AKIRIN2: variants seen among roughly 807,000 people sequenced by gnomAD.
AKIRIN2 encodes akirin 2, also known as akirin-2.
AKIRIN2 carries 6 observed loss-of-function variants against 29.3 expected under a neutral mutation model. The observed-to-expected ratio is 0.20, with a 90% CI of 0.11 to 0.40. The LOEUF is 0.40. Ranked by LOEUF, AKIRIN2 falls within the 10% of genes least tolerant of loss-of-function variation. AKIRIN2 has a pLI of 1.00. For synonymous variants in AKIRIN2, 128 were observed against 117.5 expected, an observed-to-expected ratio of 1.09 and a Z score of -0.58; for missense variants, 210 against 276.1, an observed-to-expected ratio of 0.76 and a Z score of 1.70.
intron 2 of AKIRIN2, among the ~76,000 whole-genome samples, chr6:87,678,643 A>G (rs560634563): frequency 6.6e-6 from 1 of 152,326 alleles, no homozygotes; most frequent in East Asian, 1.9e-4. Context: ...TGACTAAATT[A>G]CTTTCCTACA....
At chr6:87,699,276 T>C (rs1051792149) in intron 1 of AKIRIN2, among the ~76,000 whole-genome samples, 1 of 152,090 alleles carries the variant, frequency 6.6e-6, no homozygotes, top group African/African-American at 2.4e-5. Flanking sequence ...ATTATGACAT[T>C]ACAAAAAACA....
chr6:87,677,989 A>C (rs766603447), intron 2 of AKIRIN2, 22 bp from the exon 3 acceptor site: 6 of 1,600,540 alleles, frequency 3.7e-6, no homozygotes, highest in Non-Finnish European at 5.1e-6. Context: ...GAGGACAAAA[A>C]ATAGCACCTG....
chr6:87,675,444 A>T lies in AKIRIN2; in HGVS notation c.*153T>A. The T allele has an allele frequency of 9.6e-7, 1 of 1,041,730 alleles. No individual in the cohort carries two copies. Among genetic ancestry groups the T allele is most frequent in the Non-Finnish European group, 1.4e-6 (1 of 695,238 alleles). 64.5% of individuals were successfully genotyped at this position (1,041,730 alleles called of 1,614,324 possible). On this transcript the variant is annotated 3_prime_UTR_variant, in exon 5 of 5. Transcript: ENST00000257787. ...TGACATCAGGGAAATTTCCAAAACCAGTTGCTGCTGCCTAAGAGTGGTTGC... is the reference window on the plus strand; with the variant it reads ...TGACATCAGGGAAATTTCCAAAACCTGTTGCTGCTGCCTAAGAGTGGTTGC...
At chr6:87,681,561 G>A in intron 2 of AKIRIN2, 59 bp downstream of exon 2, 1 of 1,519,652 alleles carries the variant, frequency 6.6e-7, no homozygotes. Context: ...AAGACAACTT[G>A]GATTAGACTT....
intron 1 of AKIRIN2, among the ~76,000 whole-genome samples, chr6:87,691,933 A>T (rs1771283595): frequency 6.6e-6 from 1 of 152,216 alleles, no homozygotes; most frequent in South Asian, 2.1e-4. Flanking sequence ...GAGGAAAATG[A>T]GTATGTTTTG....
intron 1 of AKIRIN2, among the ~76,000 whole-genome samples, chr6:87,683,736 C>T (rs1376861891): frequency 6.6e-6 from 1 of 152,140 alleles, no homozygotes. Context: ...TCACTGCAAC[C>T]TCCATCTCCC....
At chr6:87,676,920 C>T (rs920722053) in intron 3 of AKIRIN2, among the ~76,000 whole-genome samples, 2 of 149,482 alleles carry the variant, frequency 1.3e-5, no homozygotes, top group Non-Finnish European at 3.0e-5. Flanking sequence ...ACTAAAAATA[C>T]AAGAAAATTA....
chr6:87,677,863 T>C lies in AKIRIN2; in HGVS notation c.484A>G (p.Lys162Glu), dbSNP rs1311243608. Residue 162 changes from lysine to glutamate, a missense_variant, in exon 3 of 5, where the codon AAA (lysine) becomes GAA (glutamate). Coordinates refer to ENST00000257787, the MANE Select transcript of AKIRIN2 (RefSeq NM_018064.4). The part of the protein sequence containing the change: ...CERLLKEREE[K>E]VREEYEEILN... Reference sequence around the variant, plus strand: ...ATTTCTTCATATTCTTCTCGAACTTTCTCTTCACGTTCTTTCAACAAACGT... The same window carrying C: ...ATTTCTTCATATTCTTCTCGAACTTCCTCTTCACGTTCTTTCAACAAACGT... The C allele has an allele frequency of 6.2e-7, 1 of 1,614,156 alleles. No homozygotes were observed. Among genetic ancestry groups the C allele is most frequent in the East Asian group, 2.2e-5 (1 of 44,874 alleles).
intron 1 of AKIRIN2, among the ~76,000 whole-genome samples, chr6:87,697,789 T>C (rs1771395537): frequency 6.6e-6 from 1 of 151,832 alleles, no homozygotes; most frequent in South Asian, 2.1e-4. Flanking sequence ...CAATGAGTTC[T>C]TACAAAGGAA....
At chr6:87,696,518 G>A (rs140312428) in intron 1 of AKIRIN2, among the ~76,000 whole-genome samples, 4,736 of 151,756 alleles carry the variant, frequency 0.031, 246 homozygotes, top group African/African-American at 0.11. Flanking sequence ...TGGCTAATAC[G>A]GTGAAACCCC....
At chr6:87,677,240 C>T (rs1582115381) in intron 3 of AKIRIN2, among the ~76,000 whole-genome samples, 1 of 152,086 alleles carries the variant, frequency 6.6e-6, no homozygotes, top group Non-Finnish European at 1.5e-5. Context: ...TCAAGTATCA[C>T]AGAAAAAGTT....
intron 1 of AKIRIN2, among the ~76,000 whole-genome samples, chr6:87,695,768 C>G (rs1771350210): frequency 6.6e-6 from 1 of 152,192 alleles, no homozygotes; most frequent in South Asian, 2.1e-4. Context: ...AGAGAAAAAT[C>G]TCTTTTCAAA....
intron 1 of AKIRIN2, among the ~76,000 whole-genome samples, chr6:87,698,762 T>G (rs1368291565): frequency 6.6e-6 from 1 of 152,160 alleles, no homozygotes; most frequent in Non-Finnish European, 1.5e-5. Flanking sequence ...TTCCTAGTAT[T>G]AAGTTGCAAC....
chr6:87,683,410 T>C (rs541532148), intron 1 of AKIRIN2, among the ~76,000 whole-genome samples: 3 of 152,360 alleles, frequency 2.0e-5, no homozygotes, highest in South Asian at 2.1e-4. Context: ...TTGAACTACT[T>C]TGTAATTTGA....
intron 1 of AKIRIN2, among the ~76,000 whole-genome samples, chr6:87,687,840 A>C (rs1305935555): frequency 6.6e-6 from 1 of 152,202 alleles, no homozygotes. Flanking sequence ...CAAGCTATCA[A>C]AATAGAGTAA....
rs987982844 is a variant in AKIRIN2 at position 87,675,262 on chromosome 6, T to G, written c.*335A>C. On this transcript the variant is annotated 3_prime_UTR_variant, in exon 5 of 5. Coordinates refer to ENST00000257787, the MANE Select transcript of AKIRIN2 (RefSeq NM_018064.4). ...ACACTAACTTCATCTGAAGTGTCAT[T>G]CTACAGTTTTATTTACACAACCAGT... is the stretch of plus-strand genomic sequence containing the variant. The G allele has an allele frequency of 6.1e-6, 2 of 326,702 alleles. No homozygotes were observed. The highest frequency in any genetic ancestry group is 4.2e-5 in the African/African-American group (2 of 48,184). 20.2% of individuals were successfully genotyped at this position (326,702 alleles called of 1,614,324 possible).
intron 3 of AKIRIN2, among the ~76,000 whole-genome samples, chr6:87,676,283 T>C (rs1297417635): frequency 6.8e-6 from 1 of 148,122 alleles, no homozygotes; most frequent in African/African-American, 2.5e-5. Flanking sequence ...GCTAACACGG[T>C]GAAACCCCAT....
intron 1 of AKIRIN2, among the ~76,000 whole-genome samples, chr6:87,687,547 T>A (rs956059266): frequency 6.6e-6 from 1 of 152,056 alleles, no homozygotes; most frequent in Non-Finnish European, 1.5e-5. Context: ...AGTTATGTTC[T>A]CCTTGATTGA....
chr6:87,696,073 G>C (rs769628849), intron 1 of AKIRIN2, among the ~76,000 whole-genome samples: 1 of 152,120 alleles, frequency 6.6e-6, no homozygotes, highest in African/African-American at 2.4e-5. Flanking sequence ...CCAGGTACTT[G>C]AGAGGCTGAG....
Sources: allele counts gnomAD v4.1 joint callset (sites outside exome capture counted in the v4.1 genomes callset), GRCh38; gene constraint gnomAD v4.1.1; transcripts MANE v1.5; gene names NCBI Gene and HGNC (gene_info 2026-07-23, HGNC 2026-07-21).